The following SHQ1 variants were observed in gnomAD, a reference collection of about 807,000 sequenced individuals.
The protein encoded by SHQ1 is SHQ1, H/ACA ribonucleoprotein assembly factor, also known as protein SHQ1 homolog.
In SHQ1, 49 loss-of-function variants were observed where a neutral mutation model predicts 53.8. That is an observed-to-expected ratio of 0.91 (90% CI 0.72 to 1.16). The LOEUF is 1.16. Among genes scored for constraint, SHQ1 ranks in the 50% most tolerant of loss-of-function variants. The pLI is 0.00. For synonymous variants in SHQ1, 243 were observed against 251.0 expected (o/e 0.97, Z 0.30); for missense variants, 738 against 683.1 (o/e 1.08, Z -0.90).
chr3:72,777,666 T>C (rs1483837282), intron 10 of SHQ1, among the ~76,000 whole-genome samples: 14 of 152,232 alleles, frequency 9.2e-5, no homozygotes, highest in Admixed American at 9.2e-4. Flanking sequence ...AAGGCTAACA[T>C]ATCATTGTCC....
downstream of SHQ1, among the ~76,000 whole-genome samples, chr3:72,745,946 G>A (rs1186250704): frequency 6.6e-6 from 1 of 151,538 alleles, no homozygotes; most frequent in Non-Finnish European, 1.5e-5. Context: ...AGGTTCAAGT[G>A]ATTCTCCTGC....
chr3:72,751,529 T>TATATATATATATACACAC lies in SHQ1; in HGVS notation c.1182-694_1182-693insGTGTGTATATATATATAT, dbSNP rs1491584090. ...GTGTGTATATATATATATATATATA[T>TATATATATATATACACAC]ACATATACATACACTAATAAAGCCT... On this transcript the variant is annotated intron_variant, in intron 10 of 10. Coordinates refer to ENST00000325599, the MANE Select transcript of SHQ1 (RefSeq NM_018130.3). Among the ~76,000 whole-genome samples, 93 of 138,018 alleles carry TATATATATATATACACAC rather than the reference T, an allele frequency of 6.7e-4. 2 individuals carry two copies. The highest frequency in any genetic ancestry group is 2.5e-3 in the African/African-American group (86 of 34,006). 90.5% of individuals were successfully genotyped at this position (138,018 alleles called of 152,430 possible).
At chr3:72,776,141 A>C (rs922558707) in intron 10 of SHQ1, among the ~76,000 whole-genome samples, 6 of 152,242 alleles carry the variant, frequency 3.9e-5, no homozygotes, top group Non-Finnish European at 7.3e-5. Flanking sequence ...GAAATGATAC[A>C]TAAGAGTTAA....
intron 5 of SHQ1, 22 bp downstream of exon 5, chr3:72,832,347 C>A: frequency 3.9e-6 from 6 of 1,525,332 alleles, no homozygotes; most frequent in Non-Finnish European, 4.5e-6. Flanking sequence ...ATTATTTAAT[C>A]CTCAAAAATC....
At chr3:72,749,002 CAGA>C (rs1265749265), downstream of SHQ1, among the ~76,000 whole-genome samples, 1 of 150,728 alleles carries the variant, frequency 6.6e-6, no homozygotes, top group Non-Finnish European at 1.5e-5. Context: ...CACACACAGG[CAGA>C]AGATTTGAAC....
chr3:72,819,336 T>C (rs1259059531), intron 6 of SHQ1, among the ~76,000 whole-genome samples: 3 of 152,220 alleles, frequency 2.0e-5, no homozygotes, highest in Admixed American at 6.5e-5. Context: ...CTGTATATTA[T>C]AGATATAAAC....
chr3:72,837,666 A>C (rs959632850), intron 4 of SHQ1, among the ~76,000 whole-genome samples: 1 of 152,234 alleles, frequency 6.6e-6, no homozygotes, highest in African/African-American at 2.4e-5. Flanking sequence ...AAGTTTTCAA[A>C]ATCATTTTAA....
intron 10 of SHQ1, among the ~76,000 whole-genome samples, chr3:72,772,035 G>A (rs768249824): frequency 1.3e-5 from 2 of 152,162 alleles, no homozygotes; most frequent in Non-Finnish European, 2.9e-5. Context: ...AAAGGCTTAC[G>A]AAAGAGAAGA....
intron 9 of SHQ1, among the ~76,000 whole-genome samples, chr3:72,811,086 A>G (rs1025352354): frequency 8.5e-5 from 13 of 152,230 alleles, no homozygotes; most frequent in African/African-American, 3.1e-4. Flanking sequence ...TGGTTATGCA[A>G]TCATAGTACT....
intron 10 of SHQ1, among the ~76,000 whole-genome samples, chr3:72,779,634 T>C (rs1417133798): frequency 1.3e-5 from 2 of 152,184 alleles, no homozygotes; most frequent in African/African-American, 4.8e-5. Context: ...AAACTATTTG[T>C]TGAATGAATG....
chr3:72,742,610 T>C, the SHQ1 span, among the ~76,000 whole-genome samples: 1 of 135,206 alleles, frequency 7.4e-6, no homozygotes, highest in Non-Finnish European at 1.6e-5. Flanking sequence ...TCTTTTTTTT[T>C]CTTTTTTTCT....
chr3:72,758,561 T>C (rs1705545662), intron 10 of SHQ1, among the ~76,000 whole-genome samples: 1 of 145,998 alleles, frequency 6.8e-6, no homozygotes, highest in Non-Finnish European at 1.5e-5. Context: ...GAGGCTACTA[T>C]TTTTTCTTTT....
downstream of SHQ1, among the ~76,000 whole-genome samples, chr3:72,744,501 C>T (rs184576648): frequency 2.0e-5 from 3 of 152,292 alleles, no homozygotes; most frequent in Admixed American, 6.5e-5. Flanking sequence ...ATGGCCTCCC[C>T]GGAGAGCTCA....
chr3:72,729,554 T>A, the SHQ1 span, among the ~76,000 whole-genome samples: 1 of 152,162 alleles, frequency 6.6e-6, no homozygotes, highest in Non-Finnish European at 1.5e-5. Flanking sequence ...GATGCAAAAT[T>A]GAAATGAAGA....
At chr3:72,848,078 C>A (rs1046697054) in intron 1 of SHQ1, 120 bp downstream of exon 1, 3 of 1,245,870 alleles carry the variant, frequency 2.4e-6, no homozygotes, top group African/African-American at 3.0e-5. Flanking sequence ...AGAGAAGCTG[C>A]GGAAACGTCG....
At chr3:72,795,404 T>C (rs1456537696) in intron 9 of SHQ1, 3 of 152,220 alleles carry the variant, frequency 2.0e-5, no homozygotes, top group South Asian at 2.1e-4. Context: ...CTAGGTAATG[T>C]TGAGAGCAGG....
chr3:72,735,924 T>G, the SHQ1 span, among the ~76,000 whole-genome samples: 8 of 151,982 alleles, frequency 5.3e-5, no homozygotes, highest in South Asian at 1.7e-3. Context: ...CCTTCTTCCT[T>G]CCATGTCTGC....
chr3:72,764,294 C>G (rs1312999023), intron 10 of SHQ1, among the ~76,000 whole-genome samples: 1 of 152,094 alleles, frequency 6.6e-6, no homozygotes, highest in Non-Finnish European at 1.5e-5. Flanking sequence ...GCGATCCTCC[C>G]GCCTTGGCCT....
At chr3:72,848,024 GC>G (rs1708404204) in intron 1 of SHQ1, among the ~76,000 whole-genome samples, 173 bp downstream of exon 1, 1 of 152,212 alleles carries the variant, frequency 6.6e-6, no homozygotes, top group Admixed American at 6.5e-5. Context: ...GGCTTCCGCA[GC>G]ATCTAAAACG....
Sources: allele counts gnomAD v4.1 joint callset (sites outside exome capture counted in the v4.1 genomes callset), GRCh38; gene constraint gnomAD v4.1.1; transcripts MANE v1.5; gene names NCBI Gene and HGNC (gene_info 2026-07-23, HGNC 2026-07-21).